NRP2: variants seen among roughly 807,000 people sequenced by gnomAD.
The protein encoded by NRP2 is neuropilin-2.
NRP2 carries 52 observed loss-of-function variants against 110.4 expected under a neutral mutation model. That is an observed-to-expected ratio of 0.47 (90% CI 0.38 to 0.59). The LOEUF (loss-of-function observed/expected upper bound fraction) is 0.59, where lower values mean the gene tolerates loss of function less well. Ranked by LOEUF, NRP2 falls within the 20% of genes least tolerant of loss-of-function variation. The pLI is 0.00. For synonymous variants in NRP2, 508 were observed against 468.9 expected, an observed-to-expected ratio of 1.08 and a Z score of -1.08; for missense variants, 1,049 against 1,203.0, an observed-to-expected ratio of 0.87 and a Z score of 1.89.
intron 15 of NRP2, among the ~76,000 whole-genome samples, chr2:205,785,550 A>G (rs1231852667): frequency 6.6e-6 from 1 of 152,192 alleles, no homozygotes; most frequent in Non-Finnish European, 1.5e-5. Context: ...AGAATAGCTG[A>G]TTTTTCAAAG....
chr2:205,745,703 T>G, intron 9 of NRP2, 43 bp from the exon 10 acceptor site: 1 of 1,612,872 alleles, frequency 6.2e-7, no homozygotes, highest in East Asian at 2.2e-5. Flanking sequence ...TGATAGGGAC[T>G]GGGTCCCACA....
At chr2:205,748,866 G>T (rs759053029) in intron 10 of NRP2, among the ~76,000 whole-genome samples, 1 of 152,144 alleles carries the variant, frequency 6.6e-6, no homozygotes, top group Non-Finnish European at 1.5e-5. Context: ...AATGAATGAC[G>T]GGCATGAGCA....
intron 10 of NRP2, among the ~76,000 whole-genome samples, chr2:205,747,234 G>A (rs1208656522): frequency 3.9e-5 from 6 of 152,154 alleles, no homozygotes; most frequent in East Asian, 1.9e-4. Flanking sequence ...TGGTGTATAC[G>A]GGGTACAGTG....
At chr2:205,720,862 C>T (rs1013588063) in intron 3 of NRP2, among the ~76,000 whole-genome samples, 1 of 152,188 alleles carries the variant, frequency 6.6e-6, no homozygotes, top group African/African-American at 2.4e-5. Context: ...TGCTGCCATG[C>T]ATATGAATGA....
At chr2:205,701,538 C>CAAAAAAAA (rs11448123) in intron 2 of NRP2, 2 of 129,096 alleles carry the variant, frequency 1.5e-5, no homozygotes, top group African/African-American at 3.0e-5. Flanking sequence ...GACTCTGTCT[C>CAAAAAAAA]AAAAAAAAAA....
At chr2:205,749,184 C>T (rs569404247) in intron 10 of NRP2, among the ~76,000 whole-genome samples, 1 of 152,302 alleles carries the variant, frequency 6.6e-6, no homozygotes, top group African/African-American at 2.4e-5. Flanking sequence ...CAGCTTTCAC[C>T]ACCTCCTCTC....
intron 15 of NRP2, chr2:205,776,251 AC>A: frequency 6.2e-7 from 1 of 1,612,410 alleles, no homozygotes; most frequent in Non-Finnish European, 8.5e-7. Flanking sequence ...ACCAGGGGGC[AC>A]CCTCCTGCCA....
Position 205,725,793 on chromosome 2 carries a change from G to A in NRP2, c.821-120G>A. 1.1e-6 allele frequency: 1 copy of A among 945,366 alleles called. No homozygotes were observed. Among genetic ancestry groups the A allele is most frequent in the Non-Finnish European group, 1.7e-6 (1 of 584,600 alleles). The allele number at this position is 945,366 out of a possible 1,614,324, so 58.6% of individuals were successfully genotyped here. A position where few individuals can be genotyped will look rare whatever the true frequency, so the allele number is the denominator to read the frequency against. ...TTTTTAAAATGTGAGCATATAATTA[G>A]GGTCTTTTAAATGAGGAAGTGCCTG... is the stretch of plus-strand genomic sequence containing the variant. On this transcript the variant is annotated intron_variant, in intron 5 of 16. Transcript: ENST00000357785. The surrounding 1 kb of genome is among the most constrained non-coding windows in gnomAD (Gnocchi z 4.1).
intron 10 of NRP2, among the ~76,000 whole-genome samples, chr2:205,749,428 C>T (rs544071153): frequency 1.3e-5 from 2 of 152,244 alleles, no homozygotes; most frequent in Admixed American, 1.3e-4. Flanking sequence ...TCGCCTGTAG[C>T]CCCCTCCATT....
intron 15 of NRP2, chr2:205,776,846 G>A (rs1470271828): frequency 5.5e-6 from 7 of 1,269,760 alleles, no homozygotes; most frequent in South Asian, 4.8e-5. Context: ...AGACTGGTTC[G>A]CTTGTTTTTT....
chr2:205,766,775 TTTTTCAGAACCCATCTC>T lies in NRP2; in HGVS notation c.2405-7_2414del. 6.2e-7 allele frequency: 1 copy of T among 1,613,540 alleles called. No homozygotes were observed. Among genetic ancestry groups the T allele is most frequent in the African/African-American group, 1.3e-5 (1 of 75,048 alleles). The stretch of plus-strand genomic sequence containing the variant: ...AACTAAGTCCAATTTTTTGTTTGTT[TTTTTCAGAACCCATCTC>T]GGCTTTTGCAGGTGAGAATTTTAAA... On this transcript the variant is annotated splice_acceptor_variant and splice_polypyrimidine_tract_variant and coding_sequence_variant and intron_variant, in exon 15 of 17. Transcript: ENST00000357785. LOFTEE classifies it high-confidence loss of function.
chr2:205,725,558 C>T lies in NRP2; in HGVS notation c.821-355C>T, dbSNP rs1047736972. 1.3e-5 allele frequency among the ~76,000 whole-genome samples: 2 copies of T among 152,208 alleles called. No individual in the cohort carries two copies. The highest frequency in any genetic ancestry group is 4.8e-5 in the African/African-American group (2 of 41,440). ...CCACGATGTATGAGCTCACCCAAAT[C>T]GCCACGAGTCTATCTCACATTTACC... On this transcript the variant is annotated intron_variant, in intron 5 of 16. Coordinates refer to ENST00000357785, the MANE Select transcript of NRP2 (RefSeq NM_003872.3). The surrounding 1 kb of genome is among the most constrained non-coding windows in gnomAD (Gnocchi z 4.1).
chr2:205,793,356 T>G (rs1463588090), intron 16 of NRP2, among the ~76,000 whole-genome samples: 1 of 152,192 alleles, frequency 6.6e-6, no homozygotes, highest in Admixed American at 6.5e-5. Flanking sequence ...CCTCACCTAT[T>G]AAAATATATA....
chr2:205,730,417 G>A (rs918975341), intron 7 of NRP2, among the ~76,000 whole-genome samples: 26 of 152,294 alleles, frequency 1.7e-4, no homozygotes, highest in Non-Finnish European at 1.9e-4. Context: ...CGTCCATGCC[G>A]AGTGCCACCA....
At chr2:205,715,755 T>G (rs1296377340) in intron 2 of NRP2, among the ~76,000 whole-genome samples, 2 of 152,106 alleles carry the variant, frequency 1.3e-5, no homozygotes, top group African/African-American at 4.8e-5. Flanking sequence ...TCCCCAGCCT[T>G]GTGGAGTGGA....
chr2:205,760,831 C>T (rs900785987), intron 12 of NRP2: 12 of 152,162 alleles, frequency 7.9e-5, no homozygotes, highest in Non-Finnish European at 1.5e-4. Flanking sequence ...ATTTCCCTGC[C>T]GCTTAAGAAT....
At chr2:205,718,792 C>T (rs548312530) in intron 3 of NRP2, among the ~76,000 whole-genome samples, 28 of 151,968 alleles carry the variant, frequency 1.8e-4, no homozygotes, top group African/African-American at 6.8e-4. Context: ...AAATACAAAA[C>T]TTAGCCGGGC....
In NRP2 at chr2:205,763,676, G is replaced by T; in HGVS notation, c.2047G>T (p.Asp683Tyr). ...SSPNDRTFPD[D>Y]RNFLRLQSDS... is the part of the protein sequence containing the mutation. ...CTGTTTGGGTTTGTTTCTGCCAGATGACAGGAATTTCTTGCGGCTGCAGAG... is the reference window on the plus strand; with the variant it reads ...CTGTTTGGGTTTGTTTCTGCCAGATTACAGGAATTTCTTGCGGCTGCAGAG... Residue 683 changes from aspartate to tyrosine, a missense_variant and splice_region_variant, in exon 13 of 17, where the codon GAC becomes TAC. Asp to Tyr is a radical substitution (Grantham distance 160). Coordinates refer to ENST00000357785, the MANE Select transcript of NRP2 (RefSeq NM_003872.3). This position sits in a 1 kb window ranked among gnomAD's most constrained non-coding sequence, Gnocchi z 4.0. The T allele has an allele frequency of 1.9e-6, 3 of 1,614,190 alleles. No individual in the cohort carries two copies. The highest frequency in any genetic ancestry group is 1.7e-6 in the Non-Finnish European group (2 of 1,180,048).
chr2:205,748,826 T>C (rs990083398), intron 10 of NRP2, among the ~76,000 whole-genome samples: 1 of 152,138 alleles, frequency 6.6e-6, no homozygotes, highest in African/African-American at 2.4e-5. Flanking sequence ...GCCTGACTCA[T>C]AGCTCCATTC....
Sources: allele counts gnomAD v4.1 joint callset (sites outside exome capture counted in the v4.1 genomes callset), GRCh38; gene constraint gnomAD v4.1.1; non-coding constraint Gnocchi (gnomAD v3.1); transcripts MANE v1.5; gene names NCBI Gene and HGNC (gene_info 2026-07-23, HGNC 2026-07-21).